The following DLGAP2 variants were observed in gnomAD, a reference collection of about 807,000 sequenced individuals.
DLGAP2 encodes the protein DLG associated protein 2, also known as disks large-associated protein 2.
DLGAP2 carries 26 observed loss-of-function variants against 100.3 expected under a neutral mutation model. That is an observed-to-expected ratio of 0.26 (90% CI 0.19 to 0.36). The LOEUF (loss-of-function observed/expected upper bound fraction) is 0.36, where lower values mean the gene tolerates loss of function less well. Among genes scored for constraint, DLGAP2 ranks in the 10% least tolerant of loss-of-function variants. The pLI is 1.00. For synonymous variants in DLGAP2, 886 were observed against 630.1 expected, an observed-to-expected ratio of 1.41 and a Z score of -6.08; for missense variants, 1,858 against 1,453.2, an observed-to-expected ratio of 1.28 and a Z score of -4.53.
chr8:1,656,476 C>A (rs1226836801), intron 8 of DLGAP2, among the ~76,000 whole-genome samples: 1 of 152,176 alleles, frequency 6.6e-6, no homozygotes, highest in African/African-American at 2.4e-5. Flanking sequence ...ACTGCAGCCA[C>A]CACTGCGTAT....
chr8:809,943 G>A (rs1279294324), intron 1 of DLGAP2, among the ~76,000 whole-genome samples: 3 of 152,190 alleles, frequency 2.0e-5, no homozygotes, highest in Non-Finnish European at 4.4e-5. Context: ...TTTGGTTGGC[G>A]ATGTCTTGGA....
chr8:1,325,824 C>T (rs1801008791), intron 3 of DLGAP2, among the ~76,000 whole-genome samples: 1 of 152,074 alleles, frequency 6.6e-6, no homozygotes, highest in African/African-American at 2.4e-5. Context: ...CCTTTTGGAT[C>T]GTTTTTTTGC....
At chr8:1,676,967 TAGAA>T (rs769325482) in intron 11 of DLGAP2, among the ~76,000 whole-genome samples, 6 of 152,196 alleles carry the variant, frequency 3.9e-5, no homozygotes, top group Non-Finnish European at 7.3e-5. Flanking sequence ...CGTAAAACGA[TAGAA>T]AGACAGCAAA....
chr8:1,160,508 G>A (rs1445158924), intron 2 of DLGAP2, among the ~76,000 whole-genome samples: 1 of 152,208 alleles, frequency 6.6e-6, no homozygotes, highest in Non-Finnish European at 1.5e-5. Flanking sequence ...TTCGACTGCA[G>A]ACTGAGAAGG....
intron 1 of DLGAP2, among the ~76,000 whole-genome samples, chr8:802,036 ATCCTCACGGCCTGGGGAACAGTCTG>A (rs1796169432): frequency 4.1e-5 from 3 of 72,640 alleles, no homozygotes; most frequent in Non-Finnish European, 9.1e-5. Flanking sequence ...TGGGCCCTCC[ATCCTCACGGCCTGGGGAACAGTCTG>A]CACCCCTCCT....
intron 3 of DLGAP2, among the ~76,000 whole-genome samples, chr8:1,283,349 GT>G (rs1318991337): frequency 1.3e-5 from 2 of 152,044 alleles, no homozygotes; most frequent in African/African-American, 4.8e-5. Context: ...CCCTGGATCT[GT>G]CCCTCTTCGT....
chr8:1,677,365 C>T (rs578038940), intron 11 of DLGAP2, among the ~76,000 whole-genome samples: 2 of 152,318 alleles, frequency 1.3e-5, no homozygotes, highest in South Asian at 4.1e-4. Flanking sequence ...TGCCTTCCAT[C>T]CTGCTCTGTG....
intron 3 of DLGAP2, among the ~76,000 whole-genome samples, chr8:1,437,378 C>T (rs751650309): frequency 6.6e-6 from 1 of 152,238 alleles, no homozygotes; most frequent in Admixed American, 6.5e-5. Flanking sequence ...GAATGTGCCC[C>T]CTCATTAAGT....
chr8:862,389 G>A (rs1469082210), intron 1 of DLGAP2, among the ~76,000 whole-genome samples: 2 of 149,466 alleles, frequency 1.3e-5, no homozygotes, highest in Admixed American at 6.8e-5. Context: ...TGCGGCCTCC[G>A]CCTTCCGGGT....
chr8:1,451,763 C>T (rs1219238154), intron 3 of DLGAP2, among the ~76,000 whole-genome samples: 1 of 152,232 alleles, frequency 6.6e-6, no homozygotes, highest in African/African-American at 2.4e-5. Flanking sequence ...ACAGTAACGA[C>T]TCCCACATCT....
At chr8:1,044,608 C>T (rs1055611200) in intron 2 of DLGAP2, among the ~76,000 whole-genome samples, 7 of 152,220 alleles carry the variant, frequency 4.6e-5, no homozygotes, top group African/African-American at 1.7e-4. Flanking sequence ...AGTTGTTTCT[C>T]CCGCATGTAT....
intron 2 of DLGAP2, among the ~76,000 whole-genome samples, chr8:1,220,078 T>C (rs932341878): frequency 6.6e-6 from 1 of 152,172 alleles, no homozygotes; most frequent in African/African-American, 2.4e-5. Flanking sequence ...GTTTTGTTGA[T>C]GTTTTGAATG....
chr8:936,274 C>G (rs1799069342), intron 2 of DLGAP2, among the ~76,000 whole-genome samples: 1 of 152,050 alleles, frequency 6.6e-6, no homozygotes, highest in Non-Finnish European at 1.5e-5. Context: ...AGAAGGGGAC[C>G]CAAGGGGGCT....
Position 1,548,972 on chromosome 8 carries a change from C to T in DLGAP2, c.519C>T (p.Arg173=), listed in dbSNP as rs1050937213. 6 of 1,599,034 alleles carry T rather than the reference C, an allele frequency of 3.8e-6. No individual in the cohort carries two copies. The highest frequency in any genetic ancestry group is 1.6e-4 in the Middle Eastern group (1 of 6,062). Residue 173 remains arginine, a synonymous_variant, in exon 5 of 15, where the codon CGC becomes CGT. Coordinates refer to ENST00000637795, the MANE Select transcript of DLGAP2 (RefSeq NM_001346810.2). ...ACTACAGCTCGCACTACGACACGCG[C>T]GACGACTGCGCTGTGGCCCACGCGG... The part of the protein sequence containing the change: ...RMHYSSHYDT[R]DDCAVAHAGA...
At chr8:1,002,605 C>G (rs1800991174) in intron 2 of DLGAP2, 1 of 152,234 alleles carries the variant, frequency 6.6e-6, no homozygotes, top group South Asian at 2.1e-4. Context: ...ATCTACCCAG[C>G]TGGACACTGA....
intron 1 of DLGAP2, among the ~76,000 whole-genome samples, chr8:741,051 G>A (rs1489312874): frequency 2.0e-5 from 3 of 152,196 alleles, no homozygotes; most frequent in Non-Finnish European, 4.4e-5. Flanking sequence ...TTAATCAACC[G>A]TAGTTTTACC....
chr8:1,565,137 T>C (rs577609064), intron 5 of DLGAP2, among the ~76,000 whole-genome samples: 2 of 152,226 alleles, frequency 1.3e-5, no homozygotes, highest in Admixed American at 6.5e-5. Context: ...CTTGGTGATA[T>C]GTCAGGTGGA....
intron 3 of DLGAP2, among the ~76,000 whole-genome samples, chr8:1,480,100 G>C (rs191171852): frequency 2.0e-5 from 3 of 152,176 alleles, no homozygotes; most frequent in African/African-American, 7.2e-5. Flanking sequence ...GGGACGCCCC[G>C]CGCAGTGCAG....
At position 859,756 on chromosome 8, in the gene DLGAP2, C is replaced by A. The variant is rs140430893; in HGVS notation, c.19-48156C>A. The stretch of plus-strand genomic sequence containing the variant: ...TCTGGCAGGTGATTTTTCTCCAGGG[C>A]CTTGGTTATTCAAGTAGCAGGAGTG... On this transcript the variant is annotated intron_variant, in intron 1 of 14. Transcript: ENST00000637795. Among the ~76,000 whole-genome samples the A allele has an allele frequency of 3.3e-3, 497 of 152,204 alleles. 11 individuals are homozygous for A. Among genetic ancestry groups the A allele is most frequent in the East Asian group, 8.7e-3 (45 of 5,152 alleles).
Sources: gnomAD v4.1 joint callset for allele counts (sites outside exome capture counted in the v4.1 genomes callset) on GRCh38, gnomAD v4.1.1 for gene constraint, MANE v1.5 for transcripts, NCBI Gene and HGNC (gene_info 2026-07-23, HGNC 2026-07-21) for gene names.